The following KCNJ3 variants were observed in gnomAD, a reference collection of about 807,000 sequenced individuals.
KCNJ3 encodes the protein potassium inwardly rectifying channel subfamily J member 3, also known as G protein-activated inward rectifier potassium channel 1.
Under a neutral mutation model 39.2 loss-of-function variants are expected in KCNJ3, and 4 were observed. That is an observed-to-expected ratio of 0.10 (90% CI 0.05 to 0.23). The LOEUF (loss-of-function observed/expected upper bound fraction) is 0.23. Among genes scored for constraint, KCNJ3 ranks in the 10% least tolerant of loss-of-function variants. The probability of loss-of-function intolerance (pLI) is 1.00; values close to 1 mark genes in which losing one functional copy is unlikely to be tolerated. For synonymous variants in KCNJ3, 230 were observed against 237.4 expected (o/e 0.97, Z 0.29); for missense variants, 276 against 634.9 (o/e 0.43, Z 6.08).
Position 154,816,161 on chromosome 2 carries a change from A to G in KCNJ3, c.920-38566A>G, listed in dbSNP as rs547286927. On this transcript the variant is annotated intron_variant, in intron 2 of 2. Coordinates refer to ENST00000295101, the MANE Select transcript of KCNJ3 (RefSeq NM_002239.4). ...TGAAATTCAGAACATTCTTAAATAC[A>G]AAGGAGTAAATTACTTAACATGATC... is the stretch of plus-strand genomic sequence containing the variant. 2.0e-5 allele frequency among the ~76,000 whole-genome samples: 3 copies of G among 152,354 alleles called. No homozygotes were observed. The South Asian group carries it at 6.2e-4, about 32-fold the overall frequency.
Position 154,855,886 on chromosome 2 carries a change from C to T in KCNJ3, c.*573C>T, listed in dbSNP as rs1207413149. ...TTACTTTATTAGAGTAGGAAGGCTA[C>T]TGGCATTAATTATTAATACCAAATA... On this transcript the variant is annotated 3_prime_UTR_variant, in exon 3 of 3. Coordinates refer to ENST00000295101, the MANE Select transcript of KCNJ3 (RefSeq NM_002239.4). The T allele has an allele frequency of 1.3e-5, 2 of 152,376 alleles. No individual in the cohort carries two copies. Among genetic ancestry groups the T allele is most frequent in the African/African-American group, 4.8e-5 (2 of 41,376 alleles). The allele number at this position is 152,376 out of a possible 1,614,324, so 9.4% of individuals were successfully genotyped here. A position where few individuals can be genotyped will look rare whatever the true frequency, so the allele number is the denominator to read the frequency against.
chr2:154,757,744 G>T (rs1348693501), intron 2 of KCNJ3, among the ~76,000 whole-genome samples: 1 of 152,170 alleles, frequency 6.6e-6, no homozygotes, highest in Admixed American at 6.5e-5. Flanking sequence ...AACACCAGCA[G>T]ATCTGATATC....
chr2:154,765,365 C>G (rs761450062), intron 2 of KCNJ3, among the ~76,000 whole-genome samples: 3 of 152,150 alleles, frequency 2.0e-5, no homozygotes, highest in Non-Finnish European at 4.4e-5. Context: ...CTTTGTGGCA[C>G]TTATTACCAG....
At chr2:154,750,606 C>G (rs903535732) in intron 2 of KCNJ3, among the ~76,000 whole-genome samples, 1 of 151,912 alleles carries the variant, frequency 6.6e-6, no homozygotes, top group Non-Finnish European at 1.5e-5. Flanking sequence ...TAAGCAACAA[C>G]AATAAAAACC....
chr2:154,703,218 T>G (rs1425989466), intron 1 of KCNJ3, among the ~76,000 whole-genome samples: 1 of 152,022 alleles, frequency 6.6e-6, no homozygotes, highest in Non-Finnish European at 1.5e-5. Context: ...TCAGCACACA[T>G]TTTTTACATA....
intron 2 of KCNJ3, among the ~76,000 whole-genome samples, chr2:154,824,331 A>G (rs2105112882): frequency 6.6e-6 from 1 of 152,264 alleles, no homozygotes; most frequent in African/African-American, 2.4e-5. Flanking sequence ...GTGAGATCTC[A>G]TCTCAAGAAA....
intron 2 of KCNJ3, among the ~76,000 whole-genome samples, chr2:154,845,255 A>G (rs1399822692): frequency 6.6e-6 from 1 of 152,058 alleles, no homozygotes; most frequent in Middle Eastern, 3.2e-3. Flanking sequence ...AGTAGCTGGG[A>G]TTAGAGACAT....
chr2:154,729,718 T>C (rs1685419732), intron 2 of KCNJ3, among the ~76,000 whole-genome samples: 1 of 152,178 alleles, frequency 6.6e-6, no homozygotes, highest in African/African-American at 2.4e-5. Context: ...ATGCTATATA[T>C]AAAGCAATAC....
At chr2:154,825,584 A>G (rs557649735) in intron 2 of KCNJ3, among the ~76,000 whole-genome samples, 99 of 122,994 alleles carry the variant, frequency 8.0e-4, no homozygotes, top group African/African-American at 2.5e-3. Flanking sequence ...TTATTTATTT[A>G]TTATTTTTTG....
At chr2:154,719,454 A>G (rs1413470742) in intron 2 of KCNJ3, among the ~76,000 whole-genome samples, 2 of 152,160 alleles carry the variant, frequency 1.3e-5, no homozygotes, top group Non-Finnish European at 2.9e-5. Context: ...GAAAATCAAG[A>G]GTATGAATTA....
chr2:154,750,453 G>A (rs2591161), intron 2 of KCNJ3, among the ~76,000 whole-genome samples: 40,164 of 151,642 alleles, frequency 0.26, 6,641 homozygotes, highest in East Asian at 0.45. Context: ...CTAATGCAAC[G>A]GTAACTTATT....
chr2:154,833,072 A>ATTAT (rs1488944408), intron 2 of KCNJ3, among the ~76,000 whole-genome samples: 1 of 152,242 alleles, frequency 6.6e-6, no homozygotes. Context: ...AGTTCTAGGA[A>ATTAT]TTATTATAAT....
intron 2 of KCNJ3, among the ~76,000 whole-genome samples, chr2:154,854,466 G>A (rs757843446): frequency 6.6e-6 from 1 of 151,956 alleles, no homozygotes; most frequent in Admixed American, 6.6e-5. Context: ...TTTTGCTTTT[G>A]GTTTGTGGTT....
rs936280604 is a variant in KCNJ3, at chr2:154,746,153, T to G, written c.919+36334T>G. Among the ~76,000 whole-genome samples the G allele has an allele frequency of 3.3e-5, 5 of 152,212 alleles. No homozygotes were observed. In the East Asian group the frequency reaches 9.6e-4, roughly 29 times the overall value. On this transcript the variant is annotated intron_variant, in intron 2 of 2. Coordinates refer to ENST00000295101, the MANE Select transcript of KCNJ3 (RefSeq NM_002239.4). ...TAGATTTTCTCTTCCTCGTGATGGT[T>G]TTTTAATAATATTTTCCTTTCTCCA...
At chr2:154,756,527 C>T (rs1685939484) in intron 2 of KCNJ3, among the ~76,000 whole-genome samples, 1 of 151,878 alleles carries the variant, frequency 6.6e-6, no homozygotes, top group Non-Finnish European at 1.5e-5. Flanking sequence ...CCTAGACCCC[C>T]ACCCCCTGAC....
Position 154,799,257 on chromosome 2 carries a change from C to T in KCNJ3, c.920-55470C>T, listed in dbSNP as rs552117928. On this transcript the variant is annotated intron_variant, in intron 2 of 2. Coordinates refer to ENST00000295101, the MANE Select transcript of KCNJ3 (RefSeq NM_002239.4). ...AATGATTCCTATGCCTCAGCCTCCC[C>T]GTAGCTGGGATAGCTGGGGTTATAG... 5.9e-5 allele frequency among the ~76,000 whole-genome samples: 9 copies of T among 152,028 alleles called. No individual in the cohort carries two copies. In the South Asian group the frequency reaches 6.2e-4, roughly 10 times the overall value.
chr2:154,724,766 A>G (rs1685319277), intron 2 of KCNJ3, among the ~76,000 whole-genome samples: 1 of 150,822 alleles, frequency 6.6e-6, no homozygotes, highest in Non-Finnish European at 1.5e-5. Flanking sequence ...GTGTAAGTAA[A>G]CTCTATACTA....
intron 2 of KCNJ3, among the ~76,000 whole-genome samples, chr2:154,849,411 CTT>C (rs1687717542): frequency 1.3e-5 from 2 of 152,100 alleles, no homozygotes; most frequent in South Asian, 4.1e-4. Context: ...GGAGAACGCT[CTT>C]TTGCTCTCTC....
At chr2:154,853,159 A>T (rs73009156) in intron 2 of KCNJ3, among the ~76,000 whole-genome samples, 1 of 151,316 alleles carries the variant, frequency 6.6e-6, no homozygotes, top group Non-Finnish European at 1.5e-5. Context: ...AAAAAAAAAG[A>T]GGGAAGAAGA....
Sources: allele counts gnomAD v4.1 joint callset (sites outside exome capture counted in the v4.1 genomes callset), GRCh38; gene constraint gnomAD v4.1.1; transcripts MANE v1.5; gene names NCBI Gene and HGNC (gene_info 2026-07-23, HGNC 2026-07-21).